EYS: variants seen among roughly 807,000 people sequenced by gnomAD.
The protein encoded by EYS is EGF-like photoreceptor maintenance factor, also known as protein eyes shut homolog.
Under a neutral mutation model 282.1 loss-of-function variants are expected in EYS, and 250 were observed. The observed-to-expected ratio is 0.89, with a 90% CI of 0.80 to 0.98. The LOEUF (loss-of-function observed/expected upper bound fraction) is 0.98, where lower values mean the gene tolerates loss of function less well. Among genes scored for constraint, EYS ranks in the 50% least tolerant of loss-of-function variants. The pLI, the probability that EYS is intolerant of heterozygous loss-of-function variation, is 0.00. For missense variants in EYS, 4,016 were observed against 3,709.0 expected, an observed-to-expected ratio of 1.08 and a Z score of -2.15; for synonymous variants, 1,355 against 1,282.9, an observed-to-expected ratio of 1.06 and a Z score of -1.20.
intron 5 of EYS, among the ~76,000 whole-genome samples, chr6:65,466,171 G>A (rs1038478992): frequency 6.6e-6 from 1 of 151,980 alleles, no homozygotes; most frequent in South Asian, 2.1e-4. Flanking sequence ...ATGTATATAT[G>A]ATTTCAAATA....
intron 28 of EYS, chr6:64,412,703 T>C (rs564671148): frequency 6.6e-6 from 1 of 152,294 alleles, no homozygotes; most frequent in East Asian, 1.9e-4. Context: ...ATGGCCACTA[T>C]ATCACAAATG....
chr6:65,271,505 C>T (rs143103116), intron 12 of EYS, among the ~76,000 whole-genome samples: 4 of 152,182 alleles, frequency 2.6e-5, no homozygotes, highest in African/African-American at 9.6e-5. Flanking sequence ...CCAGAAACAT[C>T]CTTAAAGACA....
chr6:65,361,893 A>T (rs1189306989), intron 8 of EYS, among the ~76,000 whole-genome samples: 3 of 152,154 alleles, frequency 2.0e-5, no homozygotes, highest in Admixed American at 2.0e-4. Flanking sequence ...ATTATGAGAA[A>T]ATGACTGAAG....
chr6:64,961,743 TA>T (rs1186084182), intron 14 of EYS, among the ~76,000 whole-genome samples: 1 of 152,156 alleles, frequency 6.6e-6, no homozygotes, highest in Non-Finnish European at 1.5e-5. Context: ...TACACCTTTA[TA>T]ATGCTCAGTG....
At chr6:65,306,492 G>T (rs1769007466) in intron 11 of EYS, among the ~76,000 whole-genome samples, 1 of 152,032 alleles carries the variant, frequency 6.6e-6, no homozygotes. Context: ...TTCGCTTTTG[G>T]AATCAGCTTA....
At chr6:64,303,796 G>A (rs550436492) in intron 30 of EYS, among the ~76,000 whole-genome samples, 24 of 140,314 alleles carry the variant, frequency 1.7e-4, no homozygotes, top group African/African-American at 6.7e-4. Context: ...AGTCGAGATC[G>A]CGCCACTGCA....
intron 5 of EYS, among the ~76,000 whole-genome samples, chr6:65,451,438 C>T (rs1764394832): frequency 6.6e-6 from 1 of 151,986 alleles, no homozygotes; most frequent in Admixed American, 6.6e-5. Flanking sequence ...CTCAGATGCC[C>T]CTTTAGCATC....
At chr6:64,136,429 G>A (rs572376477) in intron 31 of EYS, among the ~76,000 whole-genome samples, 1 of 151,990 alleles carries the variant, frequency 6.6e-6, no homozygotes, top group South Asian at 2.1e-4. Context: ...ATCTAGAATG[G>A]TGAATTTTTT....
chr6:65,087,130 A>AT (rs1349910350), intron 12 of EYS, among the ~76,000 whole-genome samples: 1 of 151,988 alleles, frequency 6.6e-6, no homozygotes, highest in African/African-American at 2.4e-5. Flanking sequence ...CATATGTGTT[A>AT]TTTTTTAACG....
chr6:64,655,575 T>C (rs1283002237), intron 22 of EYS, among the ~76,000 whole-genome samples: 1 of 152,052 alleles, frequency 6.6e-6, no homozygotes, highest in Non-Finnish European at 1.5e-5. Context: ...GTTTGCTATA[T>C]ATATGTGTCT....
intron 5 of EYS, among the ~76,000 whole-genome samples, chr6:65,455,643 T>C (rs1764573556): frequency 6.6e-6 from 1 of 152,050 alleles, no homozygotes; most frequent in Non-Finnish European, 1.5e-5. Flanking sequence ...ACAAATTAGA[T>C]AACATAGAAA....
intron 26 of EYS, among the ~76,000 whole-genome samples, chr6:64,557,043 G>A (rs1052307594): frequency 6.6e-6 from 1 of 151,838 alleles, no homozygotes; most frequent in Non-Finnish European, 1.5e-5. Context: ...CTGACAATAA[G>A]TAGAAAAATA....
chr6:64,089,245 A>C (rs909820129), intron 31 of EYS, among the ~76,000 whole-genome samples: 2 of 151,572 alleles, frequency 1.3e-5, no homozygotes, highest in African/African-American at 2.4e-5. Context: ...TCACCAGTTT[A>C]TAAGTCCATG....
chr6:64,973,074 T>G (rs1770351631), intron 14 of EYS, among the ~76,000 whole-genome samples: 1 of 152,102 alleles, frequency 6.6e-6, no homozygotes, highest in Non-Finnish European at 1.5e-5. Flanking sequence ...GACTTCACTA[T>G]TATTTTGTAC....
At chr6:64,343,624 AC>A (rs1358251130) in intron 29 of EYS, among the ~76,000 whole-genome samples, 10 of 152,154 alleles carry the variant, frequency 6.6e-5, no homozygotes, top group African/African-American at 2.2e-4. Context: ...TAAAATGGAC[AC>A]CCTACCATCA....
chr6:65,592,618 G>A (rs1286415027), intron 2 of EYS, among the ~76,000 whole-genome samples: 1 of 151,834 alleles, frequency 6.6e-6, no homozygotes, highest in East Asian at 1.9e-4. Flanking sequence ...ATTTAGACAT[G>A]AGGAAACTAT....
chr6:65,231,959 T>A (rs1057054270), intron 12 of EYS, among the ~76,000 whole-genome samples: 1 of 152,010 alleles, frequency 6.6e-6, no homozygotes, highest in Non-Finnish European at 1.5e-5. Context: ...CCAATCTATA[T>A]GCCAGTGTAG....
chr6:65,223,245 T>C (rs1023540359), intron 12 of EYS, among the ~76,000 whole-genome samples: 1 of 152,066 alleles, frequency 6.6e-6, no homozygotes, highest in East Asian at 1.9e-4. Flanking sequence ...TAGGCGTCTG[T>C]AATCCCAACT....
At chr6:64,537,715 T>C (rs1358194652) in intron 26 of EYS, among the ~76,000 whole-genome samples, 1 of 152,204 alleles carries the variant, frequency 6.6e-6, no homozygotes, top group Non-Finnish European at 1.5e-5. Context: ...TAAGTTTTTC[T>C]GACAATTTTG....
Sources: gnomAD v4.1 joint callset for allele counts (sites outside exome capture counted in the v4.1 genomes callset) on GRCh38, gnomAD v4.1.1 for gene constraint, MANE v1.5 for transcripts, NCBI Gene and HGNC (gene_info 2026-07-23, HGNC 2026-07-21) for gene names.